Variants in NAALADL2 observed in about 807,000 individuals in gnomAD.
NAALADL2 encodes the protein inactive N-acetylated-alpha-linked acidic dipeptidase-like protein 2.
NAALADL2 carries 76 observed loss-of-function variants against 87.2 expected under a neutral mutation model. The ratio of observed to expected loss-of-function variants is 0.87; its 90% confidence interval spans 0.72 to 1.05. NAALADL2 has a LOEUF of 1.05. Ranked by LOEUF, NAALADL2 falls within the 50% of genes least tolerant of loss-of-function variation. NAALADL2 has a pLI of 0.00. For missense variants in NAALADL2, 1,089 were observed against 945.8 expected, an observed-to-expected ratio of 1.15 and a Z score of -1.99; for synonymous variants, 354 against 331.0, an observed-to-expected ratio of 1.07 and a Z score of -0.75.
intron 9 of NAALADL2, among the ~76,000 whole-genome samples, chr3:175,515,664 G>C (rs1250242137): frequency 6.6e-6 from 1 of 152,102 alleles, no homozygotes; most frequent in African/African-American, 2.4e-5. Context: ...ATGAAAGTTG[G>C]GCATCAGATA....
chr3:175,189,155 C>T (rs1222011205), intron 2 of NAALADL2, among the ~76,000 whole-genome samples: 1 of 152,050 alleles, frequency 6.6e-6, no homozygotes, highest in Non-Finnish European at 1.5e-5. Flanking sequence ...AACTGAAAGC[C>T]CTTCTATTAA....
intron 1 of NAALADL2, among the ~76,000 whole-genome samples, chr3:174,932,165 A>G (rs2108423968): frequency 6.6e-6 from 1 of 152,260 alleles, no homozygotes; most frequent in East Asian, 1.9e-4. Flanking sequence ...TTTCACCATA[A>G]CTGCAGAGTA....
At chr3:174,495,831 G>A (rs1401625542) in intron 1 of NAALADL2, among the ~76,000 whole-genome samples, 1 of 152,122 alleles carries the variant, frequency 6.6e-6, no homozygotes, top group Non-Finnish European at 1.5e-5. Context: ...TTCAATTTCA[G>A]TGGAACTGTT....
intron 1 of NAALADL2, among the ~76,000 whole-genome samples, chr3:174,914,531 A>G (rs1160746781): frequency 6.6e-6 from 1 of 152,146 alleles, no homozygotes; most frequent in African/African-American, 2.4e-5. Flanking sequence ...CCATTTTCCT[A>G]TAAGTAAAGT....
intron 5 of NAALADL2, among the ~76,000 whole-genome samples, chr3:175,351,234 T>G (rs532939441): frequency 6.6e-6 from 1 of 152,232 alleles, no homozygotes; most frequent in Non-Finnish European, 1.5e-5. Context: ...ATATATTTTT[T>G]GATTTTTAAA....
chr3:174,989,006 G>A (rs1287896689), intron 1 of NAALADL2, among the ~76,000 whole-genome samples: 2 of 152,168 alleles, frequency 1.3e-5, no homozygotes, highest in African/African-American at 4.8e-5. Flanking sequence ...ACTCACAGTG[G>A]AAAGTGAAGA....
At chr3:175,791,087 A>G (rs1474019939) in intron 13 of NAALADL2, among the ~76,000 whole-genome samples, 12 of 152,184 alleles carry the variant, frequency 7.9e-5, no homozygotes, top group Admixed American at 7.9e-4. Flanking sequence ...TTCGCAGGTT[A>G]TTCTCATGCA....
intron 13 of NAALADL2, among the ~76,000 whole-genome samples, chr3:175,797,537 C>T (rs1753649283): frequency 6.6e-6 from 1 of 152,082 alleles, no homozygotes; most frequent in Non-Finnish European, 1.5e-5. Flanking sequence ...AAAGGACAGA[C>T]TTTTAATATG....
intron 5 of NAALADL2, among the ~76,000 whole-genome samples, chr3:175,393,314 A>AC (rs1769318376): frequency 7.1e-6 from 1 of 139,992 alleles, no homozygotes; most frequent in Admixed American, 7.4e-5. Context: ...AAAAAAAAAA[A>AC]AATTGTAGAG....
chr3:175,514,715 A>G (rs1352931496), intron 9 of NAALADL2, among the ~76,000 whole-genome samples: 1 of 152,182 alleles, frequency 6.6e-6, no homozygotes, highest in Non-Finnish European at 1.5e-5. Context: ...ACACAAGCAC[A>G]CAGAGTCTGT....
chr3:174,663,928 C>T (rs553632900), intron 2 of NAALADL2, among the ~76,000 whole-genome samples: 3 of 151,952 alleles, frequency 2.0e-5, no homozygotes, highest in Admixed American at 1.3e-4. Flanking sequence ...GCTGGGATTA[C>T]AGGCATGTGC....
intron 1 of NAALADL2, among the ~76,000 whole-genome samples, chr3:174,526,394 C>T (rs1720750253): frequency 6.6e-6 from 1 of 152,048 alleles, no homozygotes; most frequent in Admixed American, 6.6e-5. Flanking sequence ...TCTTTATAGC[C>T]CGGTTTTCTC....
chr3:175,192,906 C>A, intron 2 of NAALADL2, among the ~76,000 whole-genome samples: 1 of 151,400 alleles, frequency 6.6e-6, no homozygotes, highest in Non-Finnish European at 1.5e-5. Flanking sequence ...TAAAAAAAAC[C>A]CTGCACATTT....
intron 1 of NAALADL2, among the ~76,000 whole-genome samples, chr3:174,873,340 C>T (rs988466796): frequency 9.9e-5 from 15 of 151,930 alleles, no homozygotes; most frequent in Admixed American, 2.6e-4. Context: ...CTGCAACCTC[C>T]GCCTCCCGGG....
chr3:174,814,080 G>A (rs2109305607), intron 3 of NAALADL2, among the ~76,000 whole-genome samples: 1 of 151,682 alleles, frequency 6.6e-6, no homozygotes, highest in African/African-American at 2.4e-5. Flanking sequence ...GTCTGTTTAG[G>A]TAAATATTTT....
intron 1 of NAALADL2, among the ~76,000 whole-genome samples, chr3:174,529,817 C>A (rs1721079786): frequency 6.6e-6 from 1 of 152,100 alleles, no homozygotes; most frequent in Non-Finnish European, 1.5e-5. Context: ...AGGGACACGG[C>A]ATCAAATCCC....
chr3:174,769,084 G>T (rs1042037397), intron 3 of NAALADL2, among the ~76,000 whole-genome samples: 37 of 151,408 alleles, frequency 2.4e-4, no homozygotes, highest in Non-Finnish European at 5.2e-4. Flanking sequence ...TCTAACTTTG[G>T]TTCCTTGAAT....
chr3:175,741,833 A>G (rs1411200893), intron 12 of NAALADL2, among the ~76,000 whole-genome samples: 1 of 152,194 alleles, frequency 6.6e-6, no homozygotes, highest in Non-Finnish European at 1.5e-5. Context: ...CAAGATATCT[A>G]AGATAGGTCT....
At chr3:174,789,425 T>G (rs1015789790) in intron 3 of NAALADL2, among the ~76,000 whole-genome samples, 3 of 152,280 alleles carry the variant, frequency 2.0e-5, no homozygotes, top group Middle Eastern at 3.4e-3. Flanking sequence ...GGAAAAGATT[T>G]TAAATAAATT....
Sources: allele counts gnomAD v4.1 joint callset (sites outside exome capture counted in the v4.1 genomes callset), GRCh38; gene constraint gnomAD v4.1.1; transcripts MANE v1.5; gene names NCBI Gene and HGNC (gene_info 2026-07-23, HGNC 2026-07-21).